Variants in ARHGAP32 observed in about 807,000 individuals in gnomAD.
ARHGAP32 encodes the protein Rho GTPase activating protein 32.
In ARHGAP32, 51 loss-of-function variants were observed where a neutral mutation model predicts 186.5. The observed-to-expected ratio is 0.27, with a 90% CI of 0.22 to 0.35. ARHGAP32 has a LOEUF of 0.35. ARHGAP32 is among the 10% of genes least tolerant of loss of function. The pLI, the probability that ARHGAP32 is intolerant of heterozygous loss-of-function variation, is 1.00. For synonymous variants in ARHGAP32, 950 were observed against 964.3 expected, an observed-to-expected ratio of 0.99 and a Z score of 0.27; for missense variants, 2,186 against 2,623.5, an observed-to-expected ratio of 0.83 and a Z score of 3.64.
intron 6 of ARHGAP32, 97 bp from the exon 7 acceptor site, chr11:129,066,965 T>C: frequency 9.3e-7 from 1 of 1,076,778 alleles, no homozygotes; most frequent in Non-Finnish European, 1.3e-6. Context: ...TCATGAGATT[T>C]TATATTTTCT....
intron 1 of ARHGAP32, among the ~76,000 whole-genome samples, chr11:129,254,662 A>G (rs1945230374): frequency 6.6e-6 from 1 of 152,084 alleles, no homozygotes; most frequent in African/African-American, 2.4e-5. Context: ...TTATTTCACT[A>G]TTCCTGTTTC....
At position 129,265,530 on chromosome 11, in the gene ARHGAP32, G is replaced by A. The variant is rs186305105; in HGVS notation, c.-5+13616C>T. Among the ~76,000 whole-genome samples the A allele has an allele frequency of 4.0e-3, 607 of 152,284 alleles. 2 individuals are homozygous for A. Among genetic ancestry groups the A allele is most frequent in the South Asian group, 0.01 (49 of 4,826 alleles). ...ACTGAGGAAAACACAGGCACTTGAAGGGCAAAAAGACCTGGATTTAAAGTA... is the reference window on the plus strand; with the variant it reads ...ACTGAGGAAAACACAGGCACTTGAAAGGCAAAAAGACCTGGATTTAAAGTA... On this transcript the variant is annotated intron_variant, in intron 1 of 6. Transcript: ENST00000525234.
Position 129,064,913 on chromosome 11 carries a change from C to T in ARHGAP32, c.690G>A (p.Met230Ile). 6.3e-7 allele frequency: 1 copy of T among 1,592,998 alleles called. No homozygotes were observed. Among genetic ancestry groups the T allele is most frequent in the Non-Finnish European group, 8.5e-7 (1 of 1,169,652 alleles). ...DSPESVTQMLMAYLSRLSAIA... is the reference protein window; with the variant it reads ...DSPESVTQMLIAYLSRLSAIA... ...TAGCTGAAAGGCGTGACAGGTAAGC[C>T]ATAAGCATCTGAGTGACCGACTGAA... Residue 230 changes from methionine to isoleucine, a missense_variant, in exon 8 of 23, where the codon ATG becomes ATA. Met to Ile is a conservative substitution (Grantham distance 10). Coordinates refer to ENST00000682385, the MANE Select transcript of ARHGAP32 (RefSeq NM_001378024.1).
intron 1 of ARHGAP32, among the ~76,000 whole-genome samples, chr11:129,214,033 A>C (rs1457330435): frequency 6.6e-6 from 1 of 152,146 alleles, no homozygotes; most frequent in Non-Finnish European, 1.5e-5. Flanking sequence ...ATGAGAAAAA[A>C]AAAATCAGAC....
chr11:129,195,552 G>A (rs998006909), upstream of ARHGAP32, among the ~76,000 whole-genome samples: 8 of 151,054 alleles, frequency 5.3e-5, no homozygotes, highest in African/African-American at 1.2e-4. Context: ...CACCACACCC[G>A]CCTAATTTTT....
chr11:129,168,818 C>A (rs1197405600), intron 1 of ARHGAP32, among the ~76,000 whole-genome samples: 8 of 151,986 alleles, frequency 5.3e-5, no homozygotes, highest in Non-Finnish European at 1.0e-4. Flanking sequence ...CGTTTTATAA[C>A]CACCGCAGAA....
At chr11:129,249,584 A>G (rs916615931) in intron 1 of ARHGAP32, among the ~76,000 whole-genome samples, 12 of 152,172 alleles carry the variant, frequency 7.9e-5, no homozygotes, top group African/African-American at 2.9e-4. Context: ...TTTCTACCAC[A>G]TGAAAATCTA....
At chr11:128,987,289 A>G (rs1945902096) in intron 13 of ARHGAP32, among the ~76,000 whole-genome samples, 2 of 152,310 alleles carry the variant, frequency 1.3e-5, no homozygotes, top group African/African-American at 4.8e-5. Flanking sequence ...GAGACCACTT[A>G]TCATCTACCT....
chr11:129,033,716 A>G (rs1265490978), intron 11 of ARHGAP32, among the ~76,000 whole-genome samples: 1 of 152,220 alleles, frequency 6.6e-6, no homozygotes, highest in East Asian at 1.9e-4. Context: ...CGTCTTTCAC[A>G]TACAGATTTG....
At position 129,207,425 on chromosome 11, in the gene ARHGAP32, G is replaced by A. The variant is rs529358445; in HGVS notation, c.-4-42998C>T. ...GTTGTTTCCTGACTTTTTAATGATC[G>A]CCATTCTAACTAGCATGAGATGGTA... On this transcript the variant is annotated intron_variant, in intron 1 of 6. Transcript: ENST00000525234. Among the ~76,000 whole-genome samples, 28 of 152,134 alleles carry A rather than the reference G, an allele frequency of 1.8e-4. 1 individual carries two copies. The East Asian group carries it at 5.2e-3, about 28-fold the overall frequency.
At chr11:129,004,355 T>C (rs1358697383) in intron 11 of ARHGAP32, among the ~76,000 whole-genome samples, 1 of 151,582 alleles carries the variant, frequency 6.6e-6, no homozygotes, top group Non-Finnish European at 1.5e-5. Flanking sequence ...TCTGCAGCTG[T>C]TGGATGAAGT....
intron 2 of ARHGAP32, among the ~76,000 whole-genome samples, chr11:129,161,777 C>T (rs1943535394): frequency 6.6e-6 from 1 of 152,100 alleles, no homozygotes; most frequent in Non-Finnish European, 1.5e-5. Flanking sequence ...ACCATTTGAC[C>T]CAGCAATCCC....
At chr11:129,128,393 A>G (rs1942712024) in intron 2 of ARHGAP32, among the ~76,000 whole-genome samples, 1 of 152,230 alleles carries the variant, frequency 6.6e-6, no homozygotes, top group Non-Finnish European at 1.5e-5. Flanking sequence ...CCATTAAAAC[A>G]CTAAAATTTA....
At position 129,122,553 on chromosome 11, in the gene ARHGAP32, TTTGA is replaced by T. The variant is rs1439750641; in HGVS notation, c.444+889_444+892del. ...CACTAATGGAACAAAATATCCTTTG[TTTGA>T]TGTCACAGCATTATAAATCTCTAGT... On this transcript the variant is annotated intron_variant, in intron 5 of 22. Coordinates refer to ENST00000682385, the MANE Select transcript of ARHGAP32 (RefSeq NM_001378024.1). Among the ~76,000 whole-genome samples, 17 of 151,938 alleles carry T rather than the reference TTTGA, an allele frequency of 1.1e-4. No individual in the cohort carries two copies. In the East Asian group the frequency reaches 3.1e-3, roughly 28 times the overall value.
At chr11:129,102,989 A>G (rs1399158222) in intron 5 of ARHGAP32, among the ~76,000 whole-genome samples, 3 of 152,310 alleles carry the variant, frequency 2.0e-5, no homozygotes, top group East Asian at 1.9e-4. Context: ...CCATCAACAG[A>G]TGACTGGATA....
intron 10 of ARHGAP32, among the ~76,000 whole-genome samples, chr11:129,044,794 TC>T (rs1351920419): frequency 6.6e-6 from 1 of 152,170 alleles, no homozygotes; most frequent in Non-Finnish European, 1.5e-5. Context: ...TGTCTTAGTT[TC>T]CTAATTTGTA....
chr11:129,132,564 G>A (rs1942836461), intron 2 of ARHGAP32, among the ~76,000 whole-genome samples: 1 of 151,566 alleles, frequency 6.6e-6, no homozygotes, highest in African/African-American at 2.4e-5. Context: ...AAATCTAGAT[G>A]AAACTTCAAT....
upstream of ARHGAP32, among the ~76,000 whole-genome samples, chr11:129,194,948 T>TG (rs60585805): frequency 0.15 from 17,174 of 118,414 alleles, 1,230 homozygotes; most frequent in African/African-American, 0.18. Flanking sequence ...TGTTTTTTTG[T>TG]GGGGGGGGGG....
chr11:129,048,158 C>T lies in ARHGAP32; in HGVS notation c.964-7149G>A, dbSNP rs1939891976. Among the ~76,000 whole-genome samples, 3 of 151,796 alleles carry T rather than the reference C, an allele frequency of 2.0e-5. No homozygotes were observed. The South Asian group carries it at 6.2e-4, about 32-fold the overall frequency. On this transcript the variant is annotated intron_variant, in intron 10 of 22. Transcript: ENST00000682385. The stretch of plus-strand genomic sequence containing the variant: ...TTATTTATACTGTCCCCTTGAATGT[C>T]AACTCCCTAATTTCCATTTAAATAA...
Sources: gnomAD v4.1 joint callset for allele counts (sites outside exome capture counted in the v4.1 genomes callset) on GRCh38, gnomAD v4.1.1 for gene constraint, MANE v1.5 for transcripts, NCBI Gene and HGNC (gene_info 2026-07-23, HGNC 2026-07-21) for gene names.